ADAMTS12: variants seen among roughly 807,000 people sequenced by gnomAD.
ADAMTS12 encodes the protein A disintegrin and metalloproteinase with thrombospondin motifs 12.
In ADAMTS12, 118 loss-of-function variants were observed where a neutral mutation model predicts 167.8. The ratio of observed to expected loss-of-function variants is 0.70; its 90% CI spans 0.61 to 0.82. The LOEUF is 0.82. ADAMTS12 is among the 40% of genes least tolerant of loss of function. The pLI is 0.00. For synonymous variants in ADAMTS12, 704 were observed against 716.9 expected, an observed-to-expected ratio of 0.98 and a Z score of 0.29; for missense variants, 1,916 against 1,998.8, an observed-to-expected ratio of 0.96 and a Z score of 0.79.
At chr5:33,826,259 A>C (rs918364860) in intron 2 of ADAMTS12, among the ~76,000 whole-genome samples, 3 of 152,144 alleles carry the variant, frequency 2.0e-5, no homozygotes, top group Admixed American at 2.0e-4. Flanking sequence ...GTGCTTAGCA[A>C]AGAACTTTTC....
At chr5:33,775,354 A>C (rs184527965) in intron 2 of ADAMTS12, among the ~76,000 whole-genome samples, 1 of 152,318 alleles carries the variant, frequency 6.6e-6, no homozygotes. Context: ...GAAAAGGTGG[A>C]GAAAGCTCAG....
At chr5:33,711,612 C>T (rs1265667965) in intron 3 of ADAMTS12, among the ~76,000 whole-genome samples, 2 of 152,112 alleles carry the variant, frequency 1.3e-5, no homozygotes, top group Non-Finnish European at 2.9e-5. Context: ...AACAAACACA[C>T]AAGCAACATC....
chr5:33,683,000 G>A lies in ADAMTS12; in HGVS notation c.915+18C>T, dbSNP rs1742185663. 2.5e-6 allele frequency: 4 copies of A among 1,608,328 alleles called. No individual in the cohort carries two copies. The highest frequency in any genetic ancestry group is 4.5e-5 in the East Asian group (2 of 44,710). On this transcript the variant is annotated intron_variant, in intron 5 of 23. Coordinates refer to ENST00000504830, the MANE Select transcript of ADAMTS12 (RefSeq NM_030955.4). ...GTGCGAGGACATATAGCAGAAGAGT[G>A]AAGGGAAAAAATGTTACCTCTTCTT...
chr5:33,751,747 T>G (rs1744989263), intron 2 of ADAMTS12, among the ~76,000 whole-genome samples, 199 bp from the exon 3 acceptor site: 1 of 152,232 alleles, frequency 6.6e-6, no homozygotes, highest in Non-Finnish European at 1.5e-5. Context: ...TATTAAATAT[T>G]TAGGAGTCAC....
chr5:33,855,810 C>T (rs2961908), intron 2 of ADAMTS12, among the ~76,000 whole-genome samples: 4,397 of 152,218 alleles, frequency 0.029, 186 homozygotes, highest in East Asian at 0.2. Context: ...TGCAGCCTTG[C>T]ATCAACCACA....
rs565190572 is a variant in ADAMTS12 at position 33,548,142 on chromosome 5, G to A, written c.4302+1065C>T. On this transcript the variant is annotated intron_variant, in intron 21 of 23. Transcript: ENST00000504830. The stretch of plus-strand genomic sequence containing the variant: ...CTGTAGCCTCAGGTTGGGATTCTCT[G>A]CCTTCCCTTCACTGGCACATGGTAG... Among the ~76,000 whole-genome samples the A allele has an allele frequency of 2.5e-3, 387 of 152,292 alleles. 1 individual carries two copies. Among genetic ancestry groups the A allele is most frequent in the Admixed American group, 4.4e-3 (68 of 15,294 alleles).
chr5:33,629,908 CTCTG>C (rs1476222787), intron 13 of ADAMTS12, among the ~76,000 whole-genome samples: 1 of 152,202 alleles, frequency 6.6e-6, no homozygotes, highest in Non-Finnish European at 1.5e-5. Flanking sequence ...GAGAGCTTCT[CTCTG>C]TCTGTTATTT....
At chr5:33,610,097 C>T (rs933422461) in intron 16 of ADAMTS12, among the ~76,000 whole-genome samples, 3 of 152,192 alleles carry the variant, frequency 2.0e-5, no homozygotes, top group African/African-American at 7.2e-5. Flanking sequence ...GAGAGAATCA[C>T]TTGAACCTGG....
chr5:33,596,634 A>G (rs1295592160), intron 16 of ADAMTS12, among the ~76,000 whole-genome samples: 2 of 152,182 alleles, frequency 1.3e-5, no homozygotes, highest in East Asian at 1.9e-4. Context: ...GTGAGCTGAG[A>G]TCGTGCCACT....
At chr5:33,578,280 C>T (rs1273780243) in intron 18 of ADAMTS12, among the ~76,000 whole-genome samples, 2 of 152,154 alleles carry the variant, frequency 1.3e-5, no homozygotes, top group Non-Finnish European at 2.9e-5. Context: ...ATATACATGA[C>T]GTCCCTATGA....
At chr5:33,574,572 GAAC>G (rs897831652) in intron 19 of ADAMTS12, among the ~76,000 whole-genome samples, 1 of 132,954 alleles carries the variant, frequency 7.5e-6, no homozygotes, top group Admixed American at 8.5e-5. Flanking sequence ...ACAGGAAGGG[GAAC>G]ATCACACTCT....
intron 2 of ADAMTS12, among the ~76,000 whole-genome samples, chr5:33,857,194 A>G (rs538107431): frequency 6.6e-6 from 1 of 152,320 alleles, no homozygotes; most frequent in Admixed American, 6.5e-5. Flanking sequence ...TCTCACTTAT[A>G]TGTGGAACCA....
intron 22 of ADAMTS12, among the ~76,000 whole-genome samples, chr5:33,543,520 A>C (rs1744810752): frequency 6.6e-6 from 1 of 152,222 alleles, no homozygotes; most frequent in African/African-American, 2.4e-5. Flanking sequence ...TTATGAGGCC[A>C]GCATCATCCT....
At chr5:33,751,766 T>C (rs1298080592) in intron 2 of ADAMTS12, among the ~76,000 whole-genome samples, 2 of 152,238 alleles carry the variant, frequency 1.3e-5, no homozygotes, top group East Asian at 1.9e-4. Context: ...ACAGATCCAT[T>C]TGTGACCTTA....
intron 19 of ADAMTS12, among the ~76,000 whole-genome samples, chr5:33,572,530 C>T (rs1321202161): frequency 6.8e-6 from 1 of 147,528 alleles, no homozygotes; most frequent in Non-Finnish European, 1.5e-5. Flanking sequence ...CAGAAAAGGC[C>T]TTTGACAAAA....
chr5:33,764,158 C>G (rs527761175), intron 2 of ADAMTS12, among the ~76,000 whole-genome samples: 1 of 152,326 alleles, frequency 6.6e-6, no homozygotes, highest in East Asian at 1.9e-4. Flanking sequence ...TCTACACATA[C>G]AAATGCATTT....
chr5:33,736,853 G>A (rs1207530712), intron 3 of ADAMTS12, among the ~76,000 whole-genome samples: 1 of 152,186 alleles, frequency 6.6e-6, no homozygotes, highest in Admixed American at 6.5e-5. Flanking sequence ...CTGCAAAATG[G>A]ATAAATCTGG....
chr5:33,768,998 C>T (rs1745645021), intron 2 of ADAMTS12, among the ~76,000 whole-genome samples: 1 of 151,816 alleles, frequency 6.6e-6, no homozygotes, highest in Non-Finnish European at 1.5e-5. Flanking sequence ...TAAGGATAAT[C>T]CTTACCTTCA....
intron 2 of ADAMTS12, among the ~76,000 whole-genome samples, chr5:33,859,770 C>T (rs1339613298): frequency 6.6e-6 from 1 of 152,158 alleles, no homozygotes; most frequent in Non-Finnish European, 1.5e-5. Context: ...CTCCAGGTGG[C>T]ATCTCGTGGG....
Sources: gnomAD v4.1 joint callset for allele counts (sites outside exome capture counted in the v4.1 genomes callset) on GRCh38, gnomAD v4.1.1 for gene constraint, MANE v1.5 for transcripts, NCBI Gene and HGNC (gene_info 2026-07-23, HGNC 2026-07-21) for gene names.